Variants in ABI2 observed in about 807,000 individuals in gnomAD.
ABI2 encodes the protein abl interactor 2, also known as abelson interactor 2.
In ABI2, 25 loss-of-function variants were observed where a neutral mutation model predicts 59.2. That is an observed-to-expected ratio of 0.42 (90% CI 0.31 to 0.59). The LOEUF (loss-of-function observed/expected upper bound fraction) is 0.59. Ranked by LOEUF, ABI2 falls within the 20% of genes least tolerant of loss-of-function variation. The pLI, the probability that ABI2 is intolerant of heterozygous loss-of-function variation, is 0.14. For missense variants in ABI2, 545 were observed against 681.8 expected, an observed-to-expected ratio of 0.80 and a Z score of 2.23; for synonymous variants, 213 against 235.5, an observed-to-expected ratio of 0.90 and a Z score of 0.87.
At chr2:203,364,154 C>A (rs2093998355) in intron 1 of ABI2, among the ~76,000 whole-genome samples, 1 of 143,532 alleles carries the variant, frequency 7.0e-6, no homozygotes, top group South Asian at 2.2e-4. Context: ...GGTGTAGTGG[C>A]ATGATCTTGG....
At chr2:203,332,381 C>CCAAA (rs1033971531) in intron 1 of ABI2, among the ~76,000 whole-genome samples, 1 of 152,034 alleles carries the variant, frequency 6.6e-6, no homozygotes, top group African/African-American at 2.4e-5. Context: ...AATCCCAGCA[C>CCAAA]TTTGGGAGGC....
chr2:203,396,770 C>A lies in ABI2; in HGVS notation c.851-15C>A, dbSNP rs1237483320. 12 of 1,518,518 alleles carry A rather than the reference C, an allele frequency of 7.9e-6. No individual in the cohort carries two copies. Among genetic ancestry groups the A allele is most frequent in the Non-Finnish European group, 1.1e-5 (12 of 1,139,356 alleles). 94.1% of individuals were successfully genotyped at this position (1,518,518 alleles called of 1,614,324 possible). ...TGCCTCATTAATGCTGCCTCTTACT[C>A]CTCTTTCCCCTCAGCCCCTGCTGGC... On this transcript the variant is annotated splice_polypyrimidine_tract_variant and intron_variant, in intron 7 of 11. Transcript: ENST00000261018.
At chr2:203,391,021 T>C (rs1337113545) in intron 4 of ABI2, 25 bp from the exon 5 acceptor site, 1 of 1,595,526 alleles carries the variant, frequency 6.3e-7, no homozygotes, top group Admixed American at 1.7e-5. Flanking sequence ...TGCATACAAG[T>C]TGAGTTTTCC....
intron 1 of ABI2, among the ~76,000 whole-genome samples, chr2:203,362,785 C>T (rs954487201): frequency 7.3e-5 from 11 of 151,724 alleles, no homozygotes; most frequent in Non-Finnish European, 1.5e-4. Flanking sequence ...GCTTGGCCTC[C>T]GAAAGTGCTA....
intron 11 of ABI2, 113 bp downstream of exon 11, chr2:203,417,194 A>G (rs2153549654): frequency 2.0e-6 from 2 of 994,680 alleles, no homozygotes; most frequent in Non-Finnish European, 2.8e-6. Flanking sequence ...ATTTATTTGT[A>G]TTTGTGCATT....
In ABI2 at chr2:203,428,009, T is replaced by A. The variant is rs1045564099; in HGVS notation, c.*657T>A. On this transcript the variant is annotated 3_prime_UTR_variant, in exon 12 of 12. Coordinates refer to ENST00000261018, the MANE Select transcript of ABI2 (RefSeq NM_001375670.1). ...ATAAGGATGATGAAATGTGAAAGTC[T>A]CCCAACACTCTGAGGGTGGTGAACG... 6.6e-6 allele frequency: 1 copy of A among 152,230 alleles called. No homozygotes were observed. Among genetic ancestry groups the A allele is most frequent in the Non-Finnish European group, 1.5e-5 (1 of 68,058 alleles). 9.4% of individuals were successfully genotyped at this position (152,230 alleles called of 1,614,324 possible).
chr2:203,390,484 T>C (rs2096702020), intron 4 of ABI2, among the ~76,000 whole-genome samples: 1 of 152,032 alleles, frequency 6.6e-6, no homozygotes, highest in Non-Finnish European at 1.5e-5. Context: ...TACAAAAAAT[T>C]AGCTGGTCGT....
At chr2:203,399,371 T>C (rs2097130513) in intron 8 of ABI2, among the ~76,000 whole-genome samples, 1 of 152,256 alleles carries the variant, frequency 6.6e-6, no homozygotes, top group African/African-American at 2.4e-5. Flanking sequence ...TTCAAATGTT[T>C]TGTTCCTTCT....
chr2:203,400,661 T>C (rs994473893), intron 8 of ABI2, among the ~76,000 whole-genome samples: 18 of 152,212 alleles, frequency 1.2e-4, no homozygotes, highest in Non-Finnish European at 2.6e-4. Context: ...GATGTTTAAA[T>C]GTTATAACAA....
intron 6 of ABI2, 82 bp downstream of exon 6, chr2:203,394,928 T>A: frequency 6.8e-7 from 1 of 1,478,090 alleles, no homozygotes; most frequent in Non-Finnish European, 9.3e-7. Context: ...TCTCTCATTT[T>A]CCAAGCACTA....
intron 1 of ABI2, among the ~76,000 whole-genome samples, chr2:203,345,510 A>G (rs2082817123): frequency 6.6e-6 from 1 of 152,168 alleles, no homozygotes; most frequent in Admixed American, 6.5e-5. Flanking sequence ...TCCTGGGTTC[A>G]AGCGATTCTC....
intron 8 of ABI2, among the ~76,000 whole-genome samples, chr2:203,401,570 G>A (rs941902776): frequency 2.0e-5 from 3 of 152,142 alleles, no homozygotes; most frequent in African/African-American, 7.2e-5. Context: ...TCTCAAGAGA[G>A]CAAAATACAG....
intron 2 of ABI2, among the ~76,000 whole-genome samples, chr2:203,373,235 C>T (rs1393836239): frequency 6.6e-5 from 10 of 151,242 alleles, no homozygotes; most frequent in Non-Finnish European, 8.9e-5. Flanking sequence ...CCGAGGCTGG[C>T]GGATCACTCG....
At chr2:203,373,338 C>T (rs1167379628) in intron 2 of ABI2, among the ~76,000 whole-genome samples, 3 of 152,238 alleles carry the variant, frequency 2.0e-5, no homozygotes, top group African/African-American at 7.2e-5. Context: ...CGGCGCGCGC[C>T]TGTAATCGCA....
chr2:203,406,721 T>C (rs1232102010), intron 9 of ABI2, among the ~76,000 whole-genome samples: 2 of 152,194 alleles, frequency 1.3e-5, no homozygotes, highest in African/African-American at 4.8e-5. Flanking sequence ...TGGAGTGCAG[T>C]GGCACAATCT....
intron 1 of ABI2, among the ~76,000 whole-genome samples, chr2:203,348,040 AGACCATCTT>A (rs754814794): frequency 1.0e-3 from 159 of 152,246 alleles, no homozygotes; most frequent in Non-Finnish European, 2.0e-3. Context: ...CAGGAGTTCG[AGACCATCTT>A]GGCCAACGTG....
At chr2:203,341,670 A>G (rs2080004255) in intron 1 of ABI2, among the ~76,000 whole-genome samples, 1 of 152,096 alleles carries the variant, frequency 6.6e-6, no homozygotes, top group South Asian at 2.1e-4. Context: ...AGATTGCACC[A>G]CTGCACTCCA....
intron 2 of ABI2, among the ~76,000 whole-genome samples, chr2:203,370,812 C>A (rs944199713): frequency 2.0e-5 from 3 of 152,010 alleles, no homozygotes; most frequent in Admixed American, 1.3e-4. Flanking sequence ...ATTGGAATGG[C>A]AATAAGCCTC....
intron 11 of ABI2, among the ~76,000 whole-genome samples, chr2:203,426,431 A>G (rs893082713): frequency 5.9e-5 from 9 of 152,212 alleles, no homozygotes; most frequent in African/African-American, 2.2e-4. Context: ...CAGTTGAAAT[A>G]ACCACTGAGA....
Sources: allele counts gnomAD v4.1 joint callset (sites outside exome capture counted in the v4.1 genomes callset), GRCh38; gene constraint gnomAD v4.1.1; transcripts MANE v1.5; gene names NCBI Gene and HGNC (gene_info 2026-07-23, HGNC 2026-07-21).